The following IQCK variants were observed in gnomAD, a reference collection of about 807,000 sequenced individuals.
IQCK encodes the protein IQ domain-containing protein K.
Under a neutral mutation model 28.1 loss-of-function variants are expected in IQCK, and 29 were observed. That is an observed-to-expected ratio of 1.03 (90% CI 0.77 to 1.41). The LOEUF (loss-of-function observed/expected upper bound fraction) is 1.41. Ranked by LOEUF, IQCK falls within the 40% of genes most tolerant of loss-of-function variation. The pLI, the probability that IQCK is intolerant of heterozygous loss-of-function variation, is 0.00. For synonymous variants in IQCK, 113 were observed against 115.1 expected, an observed-to-expected ratio of 0.98 and a Z score of 0.12; for missense variants, 359 against 314.7, an observed-to-expected ratio of 1.14 and a Z score of -1.07.
chr16:19,745,101 AAAG>A (rs1238371907), intron 4 of IQCK, among the ~76,000 whole-genome samples: 2 of 152,238 alleles, frequency 1.3e-5, no homozygotes, highest in African/African-American at 4.8e-5. Flanking sequence ...AAAAATTTCA[AAAG>A]AAGCACGAGT....
chr16:19,738,411 C>T (rs1027640303), intron 4 of IQCK, among the ~76,000 whole-genome samples: 1 of 151,946 alleles, frequency 6.6e-6, no homozygotes, highest in Non-Finnish European at 1.5e-5. Context: ...CAGTCTGACC[C>T]CCCCCACCTC....
intron 1 of IQCK, among the ~76,000 whole-genome samples, chr16:19,728,345 T>A (rs1977724327): frequency 6.6e-6 from 1 of 152,112 alleles, no homozygotes; most frequent in South Asian, 2.1e-4. Flanking sequence ...ACCTCCCTGG[T>A]TCAAATGATT....
intron 6 of IQCK, among the ~76,000 whole-genome samples, chr16:19,767,610 G>A (rs1020324070): frequency 6.6e-6 from 1 of 152,028 alleles, no homozygotes; most frequent in African/African-American, 2.4e-5. Flanking sequence ...TGCTCCTCTC[G>A]ACGTTTGGCT....
intron 9 of IQCK, among the ~76,000 whole-genome samples, chr16:19,841,104 T>A (rs1027415699): frequency 2.0e-5 from 3 of 152,240 alleles, no homozygotes; most frequent in African/African-American, 7.2e-5. Context: ...TTTTAAATTA[T>A]CTTTTTAAAA....
intron 4 of IQCK, among the ~76,000 whole-genome samples, chr16:19,737,044 C>G (rs866811372): frequency 6.6e-6 from 1 of 151,480 alleles, no homozygotes; most frequent in Middle Eastern, 3.2e-3. Flanking sequence ...TACCTGTAGT[C>G]CCAGCTGCTC....
At chr16:19,844,321 C>T (rs548650232) in intron 9 of IQCK, among the ~76,000 whole-genome samples, 138 of 152,226 alleles carry the variant, frequency 9.1e-4, no homozygotes, top group African/African-American at 3.2e-3. Flanking sequence ...TCAGGTGATC[C>T]GCCCGCCTTG....
intron 7 of IQCK, among the ~76,000 whole-genome samples, chr16:19,809,144 A>G (rs954978905): frequency 2.6e-5 from 4 of 152,260 alleles, no homozygotes; most frequent in South Asian, 2.1e-4. Flanking sequence ...GGCGTAAGCC[A>G]CCACACCCAG....
chr16:19,725,208 T>A (rs1977617821), intron 1 of IQCK, among the ~76,000 whole-genome samples: 1 of 152,204 alleles, frequency 6.6e-6, no homozygotes, highest in Non-Finnish European at 1.5e-5. Context: ...AATTTTTTTT[T>A]AATTTTTATT....
At chr16:19,775,165 T>G (rs2055372967) in intron 6 of IQCK, among the ~76,000 whole-genome samples, 1 of 150,712 alleles carries the variant, frequency 6.6e-6, no homozygotes, top group African/African-American at 2.4e-5. Flanking sequence ...AGGTGGAGAT[T>G]GCAGTGAGCC....
At chr16:19,721,003 A>G (rs1249047391) in intron 1 of IQCK, among the ~76,000 whole-genome samples, 1 of 151,404 alleles carries the variant, frequency 6.6e-6, no homozygotes, top group African/African-American at 2.4e-5. Flanking sequence ...CAAAGTAAGA[A>G]TCCGTCTAGA....
At chr16:19,785,605 G>A (rs1460208973) in intron 6 of IQCK, among the ~76,000 whole-genome samples, 4 of 152,294 alleles carry the variant, frequency 2.6e-5, no homozygotes, top group South Asian at 2.1e-4. Context: ...ATTGCGGGCC[G>A]AGTCTTTGTT....
intron 1 of IQCK, among the ~76,000 whole-genome samples, chr16:19,727,594 C>CGT (rs930676517): frequency 6.6e-6 from 1 of 150,554 alleles, no homozygotes; most frequent in Non-Finnish European, 1.5e-5. Flanking sequence ...CACCCCCCCC[C>CGT]CCCAAAAAAA....
At chr16:19,765,513 C>T (rs1337720151) in intron 6 of IQCK, among the ~76,000 whole-genome samples, 13 of 151,672 alleles carry the variant, frequency 8.6e-5, no homozygotes, top group Admixed American at 2.6e-4. Context: ...ACTCCAGCCT[C>T]GGGGACAGAG....
At chr16:19,828,949 AATT>A (rs931570862), downstream of IQCK, among the ~76,000 whole-genome samples, 2 of 143,158 alleles carry the variant, frequency 1.4e-5, no homozygotes, top group African/African-American at 2.5e-5. Flanking sequence ...TTAATTATTT[AATT>A]ATTTAAATTA....
intron 4 of IQCK, among the ~76,000 whole-genome samples, chr16:19,751,751 C>T (rs933765559): frequency 6.6e-5 from 10 of 151,884 alleles, no homozygotes; most frequent in African/African-American, 1.5e-4. Context: ...CTTGGTTTCT[C>T]GGAGGCATGG....
intron 4 of IQCK, among the ~76,000 whole-genome samples, chr16:19,760,105 CAGAG>C (rs905114496): frequency 2.6e-5 from 4 of 152,108 alleles, no homozygotes; most frequent in African/African-American, 7.2e-5. Flanking sequence ...GCCTGGGTGA[CAGAG>C]AGAGACTCTG....
intron 4 of IQCK, among the ~76,000 whole-genome samples, chr16:19,740,303 C>T (rs976901455): frequency 3.9e-5 from 6 of 152,152 alleles, no homozygotes; most frequent in African/African-American, 1.4e-4. Flanking sequence ...TTGACTACTG[C>T]TATGATCATC....
chr16:19,737,446 CT>C (rs2151687012), intron 4 of IQCK, among the ~76,000 whole-genome samples: 1 of 152,218 alleles, frequency 6.6e-6, no homozygotes, highest in Non-Finnish European at 1.5e-5. Flanking sequence ...CATATTATAC[CT>C]CCCCCTAATT....
At chr16:19,826,307 C>T (rs1190439549) in intron 7 of IQCK, among the ~76,000 whole-genome samples, 1 of 152,112 alleles carries the variant, frequency 6.6e-6, no homozygotes. Flanking sequence ...CCATGCCCAG[C>T]ATAATTTTTT....
Sources: allele counts gnomAD v4.1 joint callset (sites outside exome capture counted in the v4.1 genomes callset), GRCh38; gene constraint gnomAD v4.1.1; transcripts MANE v1.5; gene names NCBI Gene and HGNC (gene_info 2026-07-23, HGNC 2026-07-21).